WDR37: variants seen among roughly 807,000 people sequenced by gnomAD.
The protein encoded by WDR37 is WD repeat-containing protein 37.
In WDR37, 19 loss-of-function variants were observed where a neutral mutation model predicts 62.9. The observed-to-expected ratio is 0.30, with a 90% CI of 0.21 to 0.44. WDR37 has a LOEUF of 0.44. Among genes scored for constraint, WDR37 ranks in the 20% least tolerant of loss-of-function variants. The probability of loss-of-function intolerance (pLI) is 1.00; values close to 1 mark genes in which losing one functional copy is unlikely to be tolerated. For missense variants in WDR37, 474 were observed against 657.6 expected (o/e 0.72, Z 3.05); for synonymous variants, 250 against 260.9 (o/e 0.96, Z 0.40).
chr10:1,089,767 C>T (rs966678769), intron 7 of WDR37, among the ~76,000 whole-genome samples: 4 of 152,340 alleles, frequency 2.6e-5, no homozygotes, highest in African/African-American at 9.6e-5. Flanking sequence ...CTCTTCTGGC[C>T]TCCAGTATTC....
chr10:1,113,705 G>A (rs1835291586), intron 11 of WDR37, among the ~76,000 whole-genome samples: 1 of 152,204 alleles, frequency 6.6e-6, no homozygotes, highest in African/African-American at 2.4e-5. Context: ...ATTAGAAGTG[G>A]ATCCTGAAGA....
At chr10:1,108,335 T>C (rs1835087048) in intron 11 of WDR37, among the ~76,000 whole-genome samples, 1 of 152,216 alleles carries the variant, frequency 6.6e-6, no homozygotes, top group Non-Finnish European at 1.5e-5. Context: ...TTTTAGGATA[T>C]TGAGTTTTTT....
intron 13 of WDR37, among the ~76,000 whole-genome samples, chr10:1,126,784 A>G (rs1835801033): frequency 6.6e-6 from 1 of 152,228 alleles, no homozygotes; most frequent in Non-Finnish European, 1.5e-5. Context: ...TTCCGGTAGC[A>G]CAGACTTTCT....
chr10:1,127,188 G>C (rs1166436506), intron 13 of WDR37, among the ~76,000 whole-genome samples: 2 of 152,164 alleles, frequency 1.3e-5, no homozygotes, highest in Non-Finnish European at 1.5e-5. Flanking sequence ...TTATTACTTT[G>C]AGAGTATTTT....
Position 1,078,246 on chromosome 10 carries a change from T to C in WDR37, c.235+243T>C, listed in dbSNP as rs143298688. Among the ~76,000 whole-genome samples the C allele has an allele frequency of 1.1e-3, 169 of 152,244 alleles. 4 individuals carry two copies. The East Asian group carries it at 0.031, about 28-fold the overall frequency. On this transcript the variant is annotated intron_variant, in intron 3 of 13. Transcript: ENST00000263150. ...AAAAATAAAAAATACATGGATCTTATCATTTTCCCTACACCAAGTACACCA... is the reference window on the plus strand; with the variant it reads ...AAAAATAAAAAATACATGGATCTTACCATTTTCCCTACACCAAGTACACCA...
intron 13 of WDR37, among the ~76,000 whole-genome samples, chr10:1,127,356 T>C (rs560729324): frequency 6.6e-6 from 1 of 152,368 alleles, no homozygotes; most frequent in African/African-American, 2.4e-5. Flanking sequence ...GAAATAGATT[T>C]ATTTTTAAGA....
chr10:1,116,493 T>C (rs1301531923), intron 11 of WDR37, among the ~76,000 whole-genome samples: 1 of 152,226 alleles, frequency 6.6e-6, no homozygotes, highest in Non-Finnish European at 1.5e-5. Context: ...TCACTTAAGA[T>C]AATGGCCCCC....
intron 13 of WDR37, among the ~76,000 whole-genome samples, chr10:1,128,009 T>C (rs1835853134): frequency 6.6e-6 from 1 of 152,258 alleles, no homozygotes; most frequent in African/African-American, 2.4e-5. Flanking sequence ...TGGTTTTGCC[T>C]CCAGTTAGTG....
chr10:1,082,555 C>T (rs1215387040), intron 5 of WDR37, among the ~76,000 whole-genome samples: 1 of 152,172 alleles, frequency 6.6e-6, no homozygotes, highest in Non-Finnish European at 1.5e-5. Context: ...TGGGCGTGAG[C>T]GTCAGTTTGC....
At chr10:1,122,496 A>C (rs758857148) in intron 11 of WDR37, among the ~76,000 whole-genome samples, 1 of 152,152 alleles carries the variant, frequency 6.6e-6, no homozygotes, top group Non-Finnish European at 1.5e-5. Flanking sequence ...TGGGTGGGCC[A>C]CTCATGCCCA....
chr10:1,088,583 G>C (rs867369315), intron 7 of WDR37, among the ~76,000 whole-genome samples: 2 of 151,780 alleles, frequency 1.3e-5, no homozygotes, highest in African/African-American at 4.8e-5. Context: ...TGTGGGTGTG[G>C]TTTGTGCCTC....
chr10:1,069,389 A>ATATATTTTTTTTTT, intron 1 of WDR37, among the ~76,000 whole-genome samples: 3 of 95,808 alleles, frequency 3.1e-5, no homozygotes, highest in African/African-American at 1.4e-4. Flanking sequence ...ATATATATAT[A>ATATATTTTTTTTTT]TTTTTTTTTT....
intron 2 of WDR37, among the ~76,000 whole-genome samples, chr10:1,077,475 C>T (rs947713379): frequency 3.6e-4 from 55 of 152,042 alleles, no homozygotes; most frequent in Admixed American, 2.8e-3. Context: ...GTGGGTGTGG[C>T]GGGAACTCTG....
chr10:1,128,151 C>G (rs1835858389), intron 13 of WDR37, among the ~76,000 whole-genome samples: 1 of 152,200 alleles, frequency 6.6e-6, no homozygotes, highest in Non-Finnish European at 1.5e-5. Context: ...GGTTCTCTCT[C>G]CAGATGTATA....
chr10:1,072,033 G>T, intron 1 of WDR37, 83 bp from the exon 2 acceptor site: 1 of 1,090,028 alleles, frequency 9.2e-7, no homozygotes, highest in South Asian at 1.7e-5. Flanking sequence ...CTTGTAATTA[G>T]AAGTCATCAT....
intron 1 of WDR37, among the ~76,000 whole-genome samples, chr10:1,065,215 C>G (rs1833498497): frequency 6.6e-6 from 1 of 151,916 alleles, no homozygotes; most frequent in African/African-American, 2.4e-5. Flanking sequence ...GTGTGGTTCT[C>G]AGTGTATGTG....
At chr10:1,068,035 C>A (rs1833606072) in intron 1 of WDR37, among the ~76,000 whole-genome samples, 1 of 151,916 alleles carries the variant, frequency 6.6e-6, no homozygotes, top group Non-Finnish European at 1.5e-5. Context: ...TGGAGGTAAA[C>A]AGTGGAAAAA....
At chr10:1,097,711 ACT>A (rs1413905468) in intron 9 of WDR37, among the ~76,000 whole-genome samples, 1 of 151,790 alleles carries the variant, frequency 6.6e-6, no homozygotes, top group Non-Finnish European at 1.5e-5. Context: ...ACCAAGAGGG[ACT>A]CTCTGGAGCC....
chr10:1,118,811 C>T (rs1464859094), intron 11 of WDR37, among the ~76,000 whole-genome samples: 1 of 152,224 alleles, frequency 6.6e-6, no homozygotes, highest in Non-Finnish European at 1.5e-5. Flanking sequence ...CGCTGTCTCC[C>T]TGCCCTGATG....
Sources: allele counts gnomAD v4.1 joint callset (sites outside exome capture counted in the v4.1 genomes callset), GRCh38; gene constraint gnomAD v4.1.1; transcripts MANE v1.5; gene names NCBI Gene and HGNC (gene_info 2026-07-23, HGNC 2026-07-21).